NAV3: variants seen among roughly 807,000 people sequenced by gnomAD.
NAV3 encodes the protein pore membrane and/or filament interacting like protein 1.
In NAV3, 87 loss-of-function variants were observed where a neutral mutation model predicts 244.7. That is an observed-to-expected ratio of 0.36 (90% CI 0.30 to 0.42). NAV3 has a LOEUF of 0.42. Among genes scored for constraint, NAV3 ranks in the 20% least tolerant of loss-of-function variants. The pLI, the probability that NAV3 is intolerant of heterozygous loss-of-function variation, is 1.00. For synonymous variants in NAV3, 1,126 were observed against 1,042.2 expected, an observed-to-expected ratio of 1.08 and a Z score of -1.55; for missense variants, 2,663 against 2,893.3, an observed-to-expected ratio of 0.92 and a Z score of 1.83.
intron 2 of NAV3, among the ~76,000 whole-genome samples, chr12:77,581,037 G>C (rs1237280254): frequency 6.6e-6 from 1 of 152,178 alleles, no homozygotes; most frequent in African/African-American, 2.4e-5. Flanking sequence ...AGAGGGCTTA[G>C]AGGATTTTTG....
At chr12:78,076,386 A>G (rs532504472) in intron 12 of NAV3, among the ~76,000 whole-genome samples, 24 of 152,234 alleles carry the variant, frequency 1.6e-4, no homozygotes, top group African/African-American at 5.8e-4. Flanking sequence ...TTGTGTGTCA[A>G]TCTTATAATT....
At chr12:77,902,214 C>T (rs139493467) in intron 1 of NAV3, among the ~76,000 whole-genome samples, 395 of 152,188 alleles carry the variant, frequency 2.6e-3, no homozygotes, top group African/African-American at 8.4e-3. Context: ...GCTACTTTGC[C>T]GGAAATTGGT....
chr12:78,070,285 G>A (rs1024526125), intron 12 of NAV3, among the ~76,000 whole-genome samples: 2 of 151,972 alleles, frequency 1.3e-5, no homozygotes, highest in African/African-American at 4.8e-5. Context: ...TTCTAGGTTT[G>A]ATACTATAAT....
Position 78,110,184 on chromosome 12 carries a change from C to G in NAV3, c.2637-6588C>G, listed in dbSNP as rs1381164253. Among the ~76,000 whole-genome samples, 3 of 151,914 alleles carry G rather than the reference C, an allele frequency of 2.0e-5. No homozygotes were observed. The South Asian group carries it at 6.2e-4, about 32-fold the overall frequency. On this transcript the variant is annotated intron_variant, in intron 12 of 39. Transcript: ENST00000397909. ...CTAAGAAAGAAATCAAGAAAGTGAT[C>G]CCATTTAAATTAGCTACAAAAAATT...
intron 23 of NAV3, among the ~76,000 whole-genome samples, chr12:78,167,714 C>T (rs1021819680): frequency 6.6e-6 from 1 of 151,424 alleles, no homozygotes; most frequent in African/African-American, 2.4e-5. Context: ...ATGCTGAAGG[C>T]AGTGATGAAT....
At chr12:77,711,482 G>A (rs1046842153) in intron 2 of NAV3, among the ~76,000 whole-genome samples, 1 of 152,194 alleles carries the variant, frequency 6.6e-6, no homozygotes, top group African/African-American at 2.4e-5. Context: ...TGCTGAAAAT[G>A]GGAAAAGGGT....
chr12:77,884,284 CAGAT>C (rs1373566624), intron 1 of NAV3, among the ~76,000 whole-genome samples: 4 of 152,022 alleles, frequency 2.6e-5, no homozygotes. Flanking sequence ...GATTGATTGA[CAGAT>C]AGATTGATAG....
intron 2 of NAV3, among the ~76,000 whole-genome samples, chr12:77,654,526 G>C (rs898443019): frequency 6.6e-6 from 1 of 152,146 alleles, no homozygotes; most frequent in African/African-American, 2.4e-5. Flanking sequence ...TCTGGGTGTC[G>C]GGCACAGACA....
intron 2 of NAV3, among the ~76,000 whole-genome samples, chr12:77,702,888 C>G (rs1875625120): frequency 6.6e-6 from 1 of 151,774 alleles, no homozygotes; most frequent in Non-Finnish European, 1.5e-5. Context: ...TTCTGTAAAT[C>G]TGATTTTTCC....
At chr12:78,172,814 A>T (rs145581129) in intron 24 of NAV3, among the ~76,000 whole-genome samples, 260 of 151,742 alleles carry the variant, frequency 1.7e-3, no homozygotes, top group African/African-American at 5.9e-3. Context: ...GAAGGATTGT[A>T]GGCCATATTT....
intron 2 of NAV3, among the ~76,000 whole-genome samples, chr12:77,707,388 T>A (rs1875873653): frequency 6.6e-6 from 1 of 152,300 alleles, no homozygotes; most frequent in Middle Eastern, 3.4e-3. Context: ...GGACATGAAC[T>A]CATCCTTTTT....
chr12:78,053,595 C>T (rs552508672), intron 11 of NAV3, among the ~76,000 whole-genome samples: 24 of 152,100 alleles, frequency 1.6e-4, no homozygotes, highest in Non-Finnish European at 3.2e-4. Flanking sequence ...GCATTGAAGA[C>T]TGCTTGCAAT....
Position 78,188,792 on chromosome 12 carries a change from G to T in NAV3, c.6055+15G>T. The T allele has an allele frequency of 6.2e-7, 1 of 1,605,676 alleles. No homozygotes were observed. Among genetic ancestry groups the T allele is most frequent in the South Asian group, 1.1e-5 (1 of 90,366 alleles). ...GAACCTCAAAGGTAAAAGCAATAAT[G>T]AAAAGCAAGGCAGAAATATAATTTT... On this transcript the variant is annotated intron_variant, in intron 33 of 39. Transcript: ENST00000397909.
At chr12:77,737,208 G>C (rs1261277025) in intron 2 of NAV3, among the ~76,000 whole-genome samples, 1 of 149,254 alleles carries the variant, frequency 6.7e-6, no homozygotes, top group Non-Finnish European at 1.5e-5. Flanking sequence ...TGGTTATGTG[G>C]GTTTGGATCA....
At chr12:78,169,685 T>C (rs569431194) in intron 24 of NAV3, among the ~76,000 whole-genome samples, 1 of 151,824 alleles carries the variant, frequency 6.6e-6, no homozygotes, top group East Asian at 1.9e-4. Flanking sequence ...TCTTCAGCCA[T>C]CTTTAGACCA....
chr12:78,148,858 GGA>G lies in NAV3; in HGVS notation c.4730_4731del (p.Glu1577AlafsTer26). 6.2e-7 allele frequency: 1 copy of G among 1,612,074 alleles called. No individual in the cohort carries two copies. The highest frequency in any genetic ancestry group is 2.2e-5 in the East Asian group (1 of 44,702). On this transcript the variant is annotated frameshift_variant, in exon 22 of 40. Transcript: ENST00000397909. LOFTEE classifies it high-confidence loss of function. ...TGCATTCAGCAAATCCATAAACTGC[GGA>G]GAGAGCTGGTTGCATCACAAGAAAA...
In NAV3 at chr12:77,809,130, G is replaced by A. The variant is rs551913413; in HGVS notation, c.73-131189G>A. 4.6e-5 allele frequency among the ~76,000 whole-genome samples: 7 copies of A among 152,326 alleles called. No individual in the cohort carries two copies. The South Asian group carries it at 1.2e-3, about 27-fold the overall frequency. On this transcript the variant is annotated intron_variant, in intron 2 of 8. Transcript: ENST00000550042. Reference sequence around the variant, plus strand: ...GGCTCTGTGCGGGATGGGATCTGCTGAGCTAGACCACTTTGCTCCCTGGCT... The same window carrying A: ...GGCTCTGTGCGGGATGGGATCTGCTAAGCTAGACCACTTTGCTCCCTGGCT...
chr12:78,208,633 A>C (rs1960580251), intron 39 of NAV3, among the ~76,000 whole-genome samples: 1 of 152,218 alleles, frequency 6.6e-6, no homozygotes. Flanking sequence ...TGTGGAATGT[A>C]TTATAATGGA....
intron 5 of NAV3, among the ~76,000 whole-genome samples, chr12:77,979,711 A>G (rs373996946): frequency 1.6e-4 from 17 of 103,898 alleles, no homozygotes; most frequent in African/African-American, 2.5e-4. Flanking sequence ...AAAAAAAAAA[A>G]GAAAAAAAAA....
Sources: allele counts gnomAD v4.1 joint callset (sites outside exome capture counted in the v4.1 genomes callset), GRCh38; gene constraint gnomAD v4.1.1; transcripts MANE v1.5; gene names NCBI Gene and HGNC (gene_info 2026-07-23, HGNC 2026-07-21).